Variants in TDO2 observed in about 807,000 individuals in gnomAD.
TDO2 encodes tryptamin 2,3-dioxygenase.
Under a neutral mutation model 61.2 loss-of-function variants are expected in TDO2, and 63 were observed. That is an observed-to-expected ratio of 1.03 (90% confidence interval 0.84 to 1.27). TDO2 has a LOEUF of 1.27. TDO2 is among the 50% of genes most tolerant of loss of function. TDO2 has a pLI of 0.00. For missense variants in TDO2, 494 were observed against 469.5 expected, an observed-to-expected ratio of 1.05 and a Z score of -0.48; for synonymous variants, 183 against 164.0, an observed-to-expected ratio of 1.12 and a Z score of -0.89.
intron 7 of TDO2, 65 bp downstream of exon 7, chr4:155,911,669 T>G: frequency 8.5e-7 from 1 of 1,181,354 alleles, no homozygotes; most frequent in Non-Finnish European, 1.1e-6. Flanking sequence ...ATTTTAATTA[T>G]TTTTTGCTTT....
At chr4:155,910,494 CTAAG>C (rs1742810743) in intron 6 of TDO2, among the ~76,000 whole-genome samples, 1 of 152,076 alleles carries the variant, frequency 6.6e-6, no homozygotes, top group Admixed American at 6.5e-5. Flanking sequence ...AATATCCCTT[CTAAG>C]TAACACTTAA....
In TDO2 at chr4:155,903,706, T is replaced by C. The variant is rs918748992; in HGVS notation, c.-53T>C. 5 of 1,609,024 alleles carry C rather than the reference T, an allele frequency of 3.1e-6. No homozygotes were observed. Among genetic ancestry groups the C allele is most frequent in the Non-Finnish European group, 3.4e-6 (4 of 1,175,570 alleles). On this transcript the variant is annotated 5_prime_UTR_variant, in exon 1 of 12. Coordinates refer to ENST00000536354, the MANE Select transcript of TDO2 (RefSeq NM_005651.4). The stretch of plus-strand genomic sequence containing the variant: ...GTAGAACATCTGGGAAGGTCAATGA[T>C]AGCATCTGCCTAGAGTCAAACCTCC...
chr4:155,908,724 C>G (rs1476994355), intron 4 of TDO2, among the ~76,000 whole-genome samples, 163 bp from the exon 5 acceptor site: 1 of 152,074 alleles, frequency 6.6e-6, no homozygotes, highest in Non-Finnish European at 1.5e-5. Context: ...AATTCCTTGC[C>G]CACAATTCAG....
Position 155,912,409 on chromosome 4 carries a change from C to T in TDO2, c.726+805C>T, listed in dbSNP as rs184078862. Among the ~76,000 whole-genome samples, 644 of 152,292 alleles carry T rather than the reference C, an allele frequency of 4.2e-3. 3 individuals carry two copies. Among genetic ancestry groups the T allele is most frequent in the African/African-American group, 0.015 (623 of 41,582 alleles). On this transcript the variant is annotated intron_variant, in intron 7 of 11. Coordinates refer to ENST00000536354, the MANE Select transcript of TDO2 (RefSeq NM_005651.4). ...AGCTGTCTTCCTGTACCATCATTCT[C>T]ATGTGGCCTTCATGTACATAAATCC...
intron 2 of TDO2, 112 bp downstream of exon 2, chr4:155,904,235 T>C (rs1394908743): frequency 1.4e-6 from 1 of 735,962 alleles, no homozygotes. Context: ...CCAATCGTTT[T>C]CTGGACCTAA....
Position 155,911,593 on chromosome 4 carries a change from A to G in TDO2, c.715A>G (p.Ile239Val), listed in dbSNP as rs1203229914. Residue 239 changes from isoleucine (I) to valine (V), a missense_variant, in exon 7 of 12, where the codon ATA (isoleucine) becomes GTA (valine). Physicochemically the swap from Ile to Val is conservative, Grantham distance 29. Transcript: ENST00000536354. ...NITRGLEEEF[I>V]RIQAKEESEE... ...CACCAGAGGCCTGGAAGAGGAATTC[A>G]TAAGGATTCAGGTATTTAGATGACA... 5 of 1,585,628 alleles carry G rather than the reference A, an allele frequency of 3.2e-6. No homozygotes were observed. The highest frequency in any genetic ancestry group is 2.3e-5 in the South Asian group (2 of 86,850).
rs199798537 is a variant in TDO2, at chr4:155,914,318, T to C, written c.727-5T>C. 1 of 1,595,816 alleles carries C rather than the reference T, an allele frequency of 6.3e-7. No individual in the cohort carries two copies. The highest frequency in any genetic ancestry group is 8.5e-7 in the Non-Finnish European group (1 of 1,174,908). ...AGGACTATTAATGCCATATTTTTCC[T>C]AAAGGCTAAAGAAGAGTCTGAAGAA... On this transcript the variant is annotated splice_region_variant and splice_polypyrimidine_tract_variant and intron_variant, in intron 7 of 11. Transcript: ENST00000536354.
In TDO2 at chr4:155,912,122, G is replaced by C. The variant is rs981811400; in HGVS notation, c.726+518G>C. On this transcript the variant is annotated intron_variant, in intron 7 of 11. Coordinates refer to ENST00000536354, the MANE Select transcript of TDO2 (RefSeq NM_005651.4). ...TTGTTTAAATTCTACATCTTGAGAG[G>C]TTGCATCAGGTAGTGCTGAAAGCAT... 3.3e-5 allele frequency among the ~76,000 whole-genome samples: 5 copies of C among 152,272 alleles called. No individual in the cohort carries two copies. The South Asian group carries it at 1.0e-3, about 32-fold the overall frequency.
At chr4:155,918,359 A>G in intron 11 of TDO2, 120 bp downstream of exon 11, 1 of 751,856 alleles carries the variant, frequency 1.3e-6, no homozygotes, top group South Asian at 1.8e-5. Context: ...TACTAACAAC[A>G]CGTTTGTAGT....
Position 155,905,108 on chromosome 4 carries a change from A to G in TDO2, c.183A>G (p.Thr61=), listed in dbSNP as rs1742695637. 1.2e-6 allele frequency: 2 copies of G among 1,601,842 alleles called. No individual in the cohort carries two copies. Among genetic ancestry groups the G allele is most frequent in the East Asian group, 4.5e-5 (2 of 44,306 alleles). Residue 61 remains threonine (T), a synonymous_variant, in exon 3 of 12, where the codon ACA becomes ACG. Coordinates refer to ENST00000536354, the MANE Select transcript of TDO2 (RefSeq NM_005651.4). ...ATGCACAAGAACTGCAAAGTGAAAC[A>G]AAAGGAAATAAAATCCATGATGAAC... ...VLNAQELQSE[T]KGNKIHDEHL...
At chr4:155,916,229 G>A (rs1742931491) in intron 9 of TDO2, among the ~76,000 whole-genome samples, 1 of 137,880 alleles carries the variant, frequency 7.3e-6, no homozygotes, top group Non-Finnish European at 1.5e-5. Flanking sequence ...GTGCAGTGGT[G>A]CAATCTCGGC....
intron 6 of TDO2, 65 bp from the exon 7 acceptor site, chr4:155,911,432 G>C: frequency 8.7e-7 from 1 of 1,147,014 alleles, no homozygotes; most frequent in Non-Finnish European, 1.3e-6. Flanking sequence ...GTTTATACAT[G>C]TCGGTTACAA....
chr4:155,910,111 T>C lies in TDO2; in HGVS notation c.518T>C (p.Val173Ala). 1 of 1,598,294 alleles carries C rather than the reference T, an allele frequency of 6.3e-7. No homozygotes were observed. Among genetic ancestry groups the C allele is most frequent in the Non-Finnish European group, 8.5e-7 (1 of 1,174,852 alleles). Reference sequence around the variant, plus strand: ...ATAGGTGTTCTTCAGAACATGAGAGTCCCTTATAACAGAAGACATTATCGT... The same window carrying C: ...ATAGGTGTTCTTCAGAACATGAGAGCCCCTTATAACAGAAGACATTATCGT... ...NKIGVLQNMR[V>A]PYNRRHYRDN... The change falls in exon 6 of 12, where the codon GTC becomes GCC. Residue 173 changes from valine (V) to alanine (A), a missense_variant. Coordinates refer to ENST00000536354, the MANE Select transcript of TDO2 (RefSeq NM_005651.4).
intron 5 of TDO2, 70 bp downstream of exon 5, chr4:155,909,084 A>G: frequency 6.8e-7 from 1 of 1,464,482 alleles, no homozygotes; most frequent in East Asian, 2.5e-5. Context: ...TAAAAGCAGC[A>G]TGTGTGTGTT....
intron 5 of TDO2, among the ~76,000 whole-genome samples, chr4:155,909,429 C>G (rs1423989510): frequency 6.6e-6 from 1 of 152,078 alleles, no homozygotes; most frequent in Admixed American, 6.5e-5. Context: ...CTGTACATTT[C>G]AAGGCAATAC....
chr4:155,918,825 T>A, intron 11 of TDO2: 1 of 152,416 alleles, frequency 6.6e-6, no homozygotes, highest in Non-Finnish European at 1.5e-5. Context: ...AATGGATACA[T>A]CGGGAAACTG....
At chr4:155,911,119 G>A (rs1742821211) in intron 6 of TDO2, among the ~76,000 whole-genome samples, 3 of 151,820 alleles carry the variant, frequency 2.0e-5, no homozygotes, top group Non-Finnish European at 2.9e-5. Flanking sequence ...ATGACATAAA[G>A]TAACTTGAGA....
chr4:155,910,033 T>C lies in TDO2; in HGVS notation c.440T>C (p.Leu147Ser), dbSNP rs1742800948. Residue 147 changes from leucine (L) to serine (S), a missense_variant, in exon 6 of 12, where the codon TTA becomes TCA. Leu to Ser is a moderately radical substitution (Grantham distance 145). Coordinates refer to ENST00000536354, the MANE Select transcript of TDO2 (RefSeq NM_005651.4). Reference sequence around the variant, plus strand: ...ACCATTTAATCTCAAAGAGAGTACTTATCTCCAGCATCAGGCTTCCAGAGT... The same window carrying C: ...ACCATTTAATCTCAAAGAGAGTACTCATCTCCAGCATCAGGCTTCCAGAGT... ...ALDFNDFREY[L>S]SPASGFQSLQ... 6.4e-7 allele frequency: 1 copy of C among 1,564,498 alleles called. No homozygotes were observed. Among genetic ancestry groups the C allele is most frequent in the Non-Finnish European group, 8.6e-7 (1 of 1,162,714 alleles).
intron 10 of TDO2, 125 bp from the exon 11 acceptor site, chr4:155,918,024 A>G: frequency 2.3e-6 from 2 of 878,866 alleles, no homozygotes; most frequent in Non-Finnish European, 3.5e-6. Flanking sequence ...AGCCTTCCAT[A>G]TGGCCAAGTG....
Sources: allele counts gnomAD v4.1 joint callset (sites outside exome capture counted in the v4.1 genomes callset), GRCh38; gene constraint gnomAD v4.1.1; transcripts MANE v1.5; gene names NCBI Gene and HGNC (gene_info 2026-07-23, HGNC 2026-07-21).